Variants in TBC1D5 observed in about 807,000 individuals in gnomAD.
TBC1D5 encodes the protein TBC1 domain family, member 5.
In TBC1D5, 75 loss-of-function variants were observed where a neutral mutation model predicts 100.3. That is an observed-to-expected ratio of 0.75 (90% CI 0.62 to 0.91). TBC1D5 has a LOEUF of 0.91. TBC1D5 is among the 40% of genes least tolerant of loss of function. The probability of loss-of-function intolerance (pLI) is 0.00; values close to 1 mark genes in which losing one functional copy is unlikely to be tolerated. For missense variants in TBC1D5, 910 were observed against 942.4 expected (o/e 0.97, Z 0.45); for synonymous variants, 323 against 325.6 (o/e 0.99, Z 0.09).
At chr3:17,721,357 A>AT (rs973732296) in intron 1 of TBC1D5, among the ~76,000 whole-genome samples, 12 of 152,198 alleles carry the variant, frequency 7.9e-5, no homozygotes, top group Admixed American at 3.9e-4. Context: ...GTTTATAACC[A>AT]TTTTTTTAAC....
intron 21 of TBC1D5, among the ~76,000 whole-genome samples, chr3:17,164,413 T>G (rs897565795): frequency 4.6e-5 from 7 of 152,196 alleles, no homozygotes; most frequent in Non-Finnish European, 8.8e-5. Context: ...AAACCCAACA[T>G]GTGGTGCTTA....
At chr3:17,430,818 C>G (rs546523998) in intron 3 of TBC1D5, among the ~76,000 whole-genome samples, 1 of 151,836 alleles carries the variant, frequency 6.6e-6, no homozygotes, top group Admixed American at 6.6e-5. Context: ...CAGACAGAAT[C>G]TGTAATTCTG....
chr3:17,590,710 G>C (rs564059604), intron 2 of TBC1D5, among the ~76,000 whole-genome samples: 2 of 152,138 alleles, frequency 1.3e-5, no homozygotes, highest in Non-Finnish European at 2.9e-5. Context: ...CGAGGTGGCA[G>C]GGGCCAAGTG....
rs561515752 is a variant in TBC1D5 at position 17,499,767 on chromosome 3, T to C, written c.97+8707A>G. On this transcript the variant is annotated intron_variant, in intron 3 of 21. Coordinates refer to ENST00000253692, the Ensembl canonical transcript of TBC1D5. ...ATGAATCAACAAAAAGCAACCAACA[T>C]AATTTTTTGATAAAAGCTCCATTAT... 6.0e-4 allele frequency among the ~76,000 whole-genome samples: 89 copies of C among 148,946 alleles called. 2 individuals carry two copies. Among genetic ancestry groups the C allele is most frequent in the Non-Finnish European group, 1.0e-3 (68 of 67,844 alleles).
intron 3 of TBC1D5, among the ~76,000 whole-genome samples, chr3:17,496,744 G>A (rs1440679203): frequency 6.6e-6 from 1 of 152,154 alleles, no homozygotes; most frequent in African/African-American, 2.4e-5. Flanking sequence ...GGCATTACTT[G>A]TTAAATGCCT....
At chr3:17,282,975 C>T (rs1455699943) in intron 15 of TBC1D5, among the ~76,000 whole-genome samples, 1 of 152,226 alleles carries the variant, frequency 6.6e-6, no homozygotes, top group Non-Finnish European at 1.5e-5. Flanking sequence ...GAGGCGGTCA[C>T]TGAGTGACTC....
At chr3:17,393,243 A>T (rs2093409223) in intron 8 of TBC1D5, among the ~76,000 whole-genome samples, 1 of 152,002 alleles carries the variant, frequency 6.6e-6, no homozygotes, top group Non-Finnish European at 1.5e-5. Context: ...TTCTTTGTAA[A>T]TACCTGGGAG....
In TBC1D5 at chr3:17,178,126, C is replaced by T. The variant is rs1028544073; in HGVS notation, c.1852+6983G>A. Among the ~76,000 whole-genome samples the T allele has an allele frequency of 7.1e-5, 10 of 141,122 alleles. No homozygotes were observed. The South Asian group carries it at 8.8e-4, about 12-fold the overall frequency. 92.6% of individuals were successfully genotyped at this position (141,122 alleles called of 152,430 possible). A position where few individuals can be genotyped will look rare whatever the true frequency, so the allele number is the denominator to read the frequency against. On this transcript the variant is annotated intron_variant, in intron 19 of 21. Transcript: ENST00000253692. ...TGTCGCCCAGGCTGGAGTGCAGTGGCGCGATCTCGGCTCACTGCAAGCTCT... is the reference window on the plus strand; with the variant it reads ...TGTCGCCCAGGCTGGAGTGCAGTGGTGCGATCTCGGCTCACTGCAAGCTCT...
intron 18 of TBC1D5, among the ~76,000 whole-genome samples, chr3:17,210,313 G>A (rs908346111): frequency 4.6e-5 from 7 of 151,334 alleles, no homozygotes; most frequent in South Asian, 4.2e-4. Flanking sequence ...TCAGCCTCCC[G>A]TATAGCTGGG....
intron 3 of TBC1D5, among the ~76,000 whole-genome samples, chr3:17,490,184 T>C (rs1030895727): frequency 3.9e-5 from 6 of 152,150 alleles, no homozygotes; most frequent in Non-Finnish European, 7.4e-5. Flanking sequence ...CCCCACTGTT[T>C]AGTGGGGTTG....
At chr3:17,367,521 T>A (rs923111539) in intron 13 of TBC1D5, among the ~76,000 whole-genome samples, 1 of 152,172 alleles carries the variant, frequency 6.6e-6, no homozygotes, top group Non-Finnish European at 1.5e-5. Flanking sequence ...CTAATTTTTT[T>A]AAGTGCAATA....
chr3:17,209,345 C>G (rs2072653774), intron 18 of TBC1D5, among the ~76,000 whole-genome samples: 1 of 152,176 alleles, frequency 6.6e-6, no homozygotes, highest in Admixed American at 6.5e-5. Flanking sequence ...AAAGACAGGT[C>G]TCACTATGTT....
chr3:17,219,416 C>A (rs1389634339), intron 17 of TBC1D5, among the ~76,000 whole-genome samples: 1 of 151,050 alleles, frequency 6.6e-6, no homozygotes, highest in Admixed American at 6.6e-5. Context: ...AATGTCCAGG[C>A]TTCCTCTGAC....
rs577054716 is a variant in TBC1D5, at chr3:17,416,045, G to A, written c.168-9519C>T. On this transcript the variant is annotated intron_variant, in intron 4 of 21. Coordinates refer to ENST00000253692, the Ensembl canonical transcript of TBC1D5. ...AATAGACATTTATTTAGCGAAACCT[G>A]ATGTCCTAATTAAAAGTCAATCCTA... 6.6e-5 allele frequency among the ~76,000 whole-genome samples: 10 copies of A among 152,268 alleles called. No homozygotes were observed. The East Asian group carries it at 1.9e-3, about 29-fold the overall frequency.
intron 1 of TBC1D5, among the ~76,000 whole-genome samples, chr3:17,641,343 A>G (rs2064480465): frequency 1.3e-5 from 2 of 152,034 alleles, no homozygotes; most frequent in Non-Finnish European, 2.9e-5. Context: ...TCATGGAGGG[A>G]GTGTGCATAG....
chr3:17,428,816 T>C (rs976598520), intron 3 of TBC1D5, among the ~76,000 whole-genome samples: 1 of 151,962 alleles, frequency 6.6e-6, no homozygotes, highest in African/African-American at 2.4e-5. Context: ...ACTAAAATTA[T>C]AAACCAGTGT....
chr3:17,201,547 A>G (rs2071461747), intron 18 of TBC1D5, among the ~76,000 whole-genome samples: 1 of 152,056 alleles, frequency 6.6e-6, no homozygotes. Flanking sequence ...TCTCATTTGG[A>G]TTTTCATCCC....
At chr3:17,391,074 C>T (rs1423330779) in intron 8 of TBC1D5, among the ~76,000 whole-genome samples, 1 of 152,100 alleles carries the variant, frequency 6.6e-6, no homozygotes, top group Non-Finnish European at 1.5e-5. Context: ...GTACACATTT[C>T]CCCGTCTAGT....
chr3:17,412,066 A>G (rs2093941557), intron 4 of TBC1D5, among the ~76,000 whole-genome samples: 2 of 152,214 alleles, frequency 1.3e-5, no homozygotes, highest in Non-Finnish European at 2.9e-5. Flanking sequence ...TCACAGGCAT[A>G]TTTTTTAAAA....
Sources: gnomAD v4.1 joint callset for allele counts (sites outside exome capture counted in the v4.1 genomes callset) on GRCh38, gnomAD v4.1.1 for gene constraint, MANE v1.5 for transcripts, NCBI Gene and HGNC (gene_info 2026-07-23, HGNC 2026-07-21) for gene names.